The following PXDNL variants were observed in gnomAD, a reference collection of about 807,000 sequenced individuals.
PXDNL encodes the protein peroxidasin like.
Under a neutral mutation model 150.8 loss-of-function variants are expected in PXDNL, and 145 were observed. The ratio of observed to expected loss-of-function variants is 0.96; its 90% confidence interval spans 0.84 to 1.10. PXDNL has a LOEUF of 1.10. Among genes scored for constraint, PXDNL ranks in the 50% least tolerant of loss-of-function variants. The pLI is 0.00. For missense variants in PXDNL, 2,087 were observed against 1,873.9 expected (o/e 1.11, Z -2.10); for synonymous variants, 757 against 725.7 (o/e 1.04, Z -0.69).
intron 17 of PXDNL, among the ~76,000 whole-genome samples, chr8:51,398,243 T>TCCC (rs1808144829): frequency 6.6e-6 from 1 of 152,170 alleles, no homozygotes; most frequent in Non-Finnish European, 1.5e-5. Context: ...GGCACTAGAA[T>TCCC]CCCAGCACAG....
At chr8:51,763,347 C>T (rs1216418635) in intron 1 of PXDNL, among the ~76,000 whole-genome samples, 2 of 150,362 alleles carry the variant, frequency 1.3e-5, no homozygotes, top group African/African-American at 4.9e-5. Flanking sequence ...ACCAAAATGG[C>T]GGAGTATGAC....
At position 51,623,422 on chromosome 8, in the gene PXDNL, G is replaced by A. The variant is rs140439098; in HGVS notation, c.237-30724C>T. On this transcript the variant is annotated intron_variant, in intron 2 of 22. Transcript: ENST00000356297. Reference sequence around the variant, plus strand: ...CTTAGAAGAGGTGGTGGTAAGTGTCGCTAAGTCTTCCCTATTCTGTTGCTC... The same window carrying A: ...CTTAGAAGAGGTGGTGGTAAGTGTCACTAAGTCTTCCCTATTCTGTTGCTC... 3.9e-4 allele frequency among the ~76,000 whole-genome samples: 59 copies of A among 152,320 alleles called. 1 individual carries two copies. Among genetic ancestry groups the A allele is most frequent in the African/African-American group, 1.3e-3 (53 of 41,576 alleles).
chr8:51,464,698 T>C (rs544343393), intron 8 of PXDNL, among the ~76,000 whole-genome samples: 16 of 152,020 alleles, frequency 1.1e-4, no homozygotes, highest in Non-Finnish European at 2.4e-4. Flanking sequence ...GAGGGTAACA[T>C]CACACACCAG....
chr8:51,403,273 T>C (rs1353905933), intron 17 of PXDNL, among the ~76,000 whole-genome samples: 1 of 152,152 alleles, frequency 6.6e-6, no homozygotes, highest in African/African-American at 2.4e-5. Flanking sequence ...CCTGAGCTCT[T>C]GGTACTGAAG....
At chr8:51,685,895 C>T (rs1815862824) in intron 1 of PXDNL, among the ~76,000 whole-genome samples, 1 of 152,152 alleles carries the variant, frequency 6.6e-6, no homozygotes, top group African/African-American at 2.4e-5. Context: ...GGTGTACCCA[C>T]AGCAACAAAT....
intron 1 of PXDNL, among the ~76,000 whole-genome samples, chr8:51,676,846 AAAGAAG>A (rs923095879): frequency 6.6e-6 from 1 of 152,226 alleles, no homozygotes; most frequent in Non-Finnish European, 1.5e-5. Flanking sequence ...GATTAATGAA[AAAGAAG>A]AAGATCAATA....
chr8:51,389,214 T>C (rs142120108), intron 17 of PXDNL, among the ~76,000 whole-genome samples: 78 of 152,320 alleles, frequency 5.1e-4, no homozygotes, highest in African/African-American at 1.8e-3. Flanking sequence ...TGATTTGACA[T>C]GTGCTTGTGC....
At chr8:51,365,677 T>C (rs1426640683) in intron 19 of PXDNL, among the ~76,000 whole-genome samples, 1 of 152,220 alleles carries the variant, frequency 6.6e-6, no homozygotes, top group Admixed American at 6.5e-5. Context: ...AAACATGTGA[T>C]CATGAGAACA....
At position 51,409,010 on chromosome 8, in the gene PXDNL, C is replaced by A. The variant is rs773723717; in HGVS notation, c.2614G>T (p.Gly872Cys). 5.0e-6 allele frequency: 8 copies of A among 1,610,988 alleles called. No individual in the cohort carries two copies. Among genetic ancestry groups the A allele is most frequent in the Non-Finnish European group, 6.8e-6 (8 of 1,179,848 alleles). The change falls in exon 17 of 23, where the codon GGC becomes TGC. Residue 872 changes from glycine (G) to cysteine (C), a missense_variant. By Grantham distance (159) the Gly-to-Cys change is radical (BLOSUM62 -3). Coordinates refer to ENST00000356297, the MANE Select transcript of PXDNL (RefSeq NM_144651.5). ...GAATCCACCGTCGCAGAGGGACGGC[C>A]GCTGGCACACGCGGGGCTGGAGCGC... The part of the protein sequence containing the change: ...FARSSPACAS[G>C]RPSATVDSVY...
rs758863275 is a variant in PXDNL at position 51,409,508 on chromosome 8, A to C, written c.2116T>G (p.Leu706Val). Reference sequence around the variant, plus strand: ...GGCCTGCGAGCTGTGCATCCAGATAAATTGGCGATGAGGCTGAGGGAGCGC... The same window carrying C: ...GGCCTGCGAGCTGTGCATCCAGATACATTGGCGATGAGGCTGAGGGAGCGC... ...SPRSLSLIAN[L>V]SGCTARRPLP... Residue 706 changes from leucine (L) to valine (V), a missense_variant, in exon 17 of 23, where the codon TTA becomes GTA. By Grantham distance (32) the Leu-to-Val change is conservative (BLOSUM62 1). Coordinates refer to ENST00000356297, the MANE Select transcript of PXDNL (RefSeq NM_144651.5). 3.7e-6 allele frequency: 6 copies of C among 1,610,692 alleles called. No homozygotes were observed. Among genetic ancestry groups the C allele is most frequent in the Non-Finnish European group, 4.2e-6 (5 of 1,178,994 alleles).
chr8:51,610,015 C>A (rs1813964286), intron 2 of PXDNL, among the ~76,000 whole-genome samples: 1 of 143,564 alleles, frequency 7.0e-6, no homozygotes, highest in Non-Finnish European at 1.5e-5. Flanking sequence ...TACTGGCCTT[C>A]TATTAATACA....
chr8:51,773,559 G>A (rs961668927), intron 1 of PXDNL, among the ~76,000 whole-genome samples: 9 of 152,128 alleles, frequency 5.9e-5, no homozygotes, highest in African/African-American at 1.7e-4. Flanking sequence ...AGAATTCCAC[G>A]ACCACCTTCT....
chr8:51,472,605 T>A (rs1810372235), intron 7 of PXDNL, among the ~76,000 whole-genome samples: 1 of 152,180 alleles, frequency 6.6e-6, no homozygotes, highest in Non-Finnish European at 1.5e-5. Context: ...GAGTTTGATT[T>A]TATGGGTCAA....
At chr8:51,646,584 T>C (rs1180188502) in intron 2 of PXDNL, among the ~76,000 whole-genome samples, 1 of 152,010 alleles carries the variant, frequency 6.6e-6, no homozygotes, top group Non-Finnish European at 1.5e-5. Context: ...AGTGGCGTGG[T>C]AGTGCTCCAG....
intron 6 of PXDNL, among the ~76,000 whole-genome samples, chr8:51,475,606 A>C (rs1810455451): frequency 6.6e-6 from 1 of 152,114 alleles, no homozygotes; most frequent in South Asian, 2.1e-4. Flanking sequence ...TCCAAAGATA[A>C]AAATTTTCTT....
chr8:51,629,696 G>A (rs1003600646), intron 2 of PXDNL, among the ~76,000 whole-genome samples: 3 of 152,078 alleles, frequency 2.0e-5, no homozygotes, highest in East Asian at 1.9e-4. Context: ...TCATGTACAA[G>A]CGACCCACAG....
chr8:51,399,791 A>T (rs1808193864), intron 17 of PXDNL, among the ~76,000 whole-genome samples: 3 of 152,242 alleles, frequency 2.0e-5, no homozygotes, highest in Admixed American at 2.0e-4. Flanking sequence ...GGATTTAAAG[A>T]CGAAATGCAT....
At chr8:51,704,794 T>C (rs1239790773) in intron 1 of PXDNL, among the ~76,000 whole-genome samples, 3 of 152,216 alleles carry the variant, frequency 2.0e-5, no homozygotes, top group African/African-American at 7.2e-5. Context: ...ATAAAATGCC[T>C]TTTGTATTGT....
chr8:51,751,134 A>G lies in PXDNL; in HGVS notation c.164+58047T>C, dbSNP rs58605689. ...TCATTGCTCTTATTTTGCCAAGAAA[A>G]ATTGGAAGACTTCATCATAGGTCAT... On this transcript the variant is annotated intron_variant, in intron 1 of 22. Transcript: ENST00000356297. Among the ~76,000 whole-genome samples, 398 of 152,342 alleles carry G rather than the reference A, an allele frequency of 2.6e-3. 3 individuals carry two copies. The highest frequency in any genetic ancestry group is 9.0e-3 in the African/African-American group (376 of 41,568).
Sources: gnomAD v4.1 joint callset for allele counts (sites outside exome capture counted in the v4.1 genomes callset) on GRCh38, gnomAD v4.1.1 for gene constraint, MANE v1.5 for transcripts, NCBI Gene and HGNC (gene_info 2026-07-23, HGNC 2026-07-21) for gene names.